The following HNRNPUL2 variants were observed in gnomAD, a reference collection of about 807,000 sequenced individuals.
The protein encoded by HNRNPUL2 is heterogeneous nuclear ribonucleoprotein U like 2.
Under a neutral mutation model 102.2 loss-of-function variants are expected in HNRNPUL2, and 27 were observed. The observed-to-expected ratio is 0.26, with a 90% CI of 0.19 to 0.36. HNRNPUL2 has a LOEUF of 0.36. Among genes scored for constraint, HNRNPUL2 ranks in the 10% least tolerant of loss-of-function variants. The pLI is 1.00. For missense variants in HNRNPUL2, 936 were observed against 981.1 expected (o/e 0.95, Z 0.61); for synonymous variants, 458 against 387.2 (o/e 1.18, Z -2.15).
chr11:62,724,633 G>A, intron 1 of HNRNPUL2, among the ~76,000 whole-genome samples: 1 of 151,906 alleles, frequency 6.6e-6, no homozygotes, highest in Non-Finnish European at 1.5e-5. Context: ...GGGCATTATG[G>A]GCTAATTACA....
intron 1 of HNRNPUL2, among the ~76,000 whole-genome samples, chr11:62,725,359 G>A (rs1377281231): frequency 2.0e-5 from 3 of 152,156 alleles, no homozygotes; most frequent in African/African-American, 7.2e-5. Context: ...CATCACGCCC[G>A]GCTAATATTT....
chr11:62,719,530 C>A (rs1252228738), intron 10 of HNRNPUL2, among the ~76,000 whole-genome samples: 4 of 152,190 alleles, frequency 2.6e-5, no homozygotes, highest in African/African-American at 7.2e-5. Flanking sequence ...TCTACAAGTG[C>A]TCACGACCAT....
chr11:62,726,324 C>G (rs2083745997), intron 1 of HNRNPUL2, among the ~76,000 whole-genome samples: 2 of 152,314 alleles, frequency 1.3e-5, no homozygotes, highest in South Asian at 2.1e-4. Flanking sequence ...ATATAACAAG[C>G]ACCGTGGGAG....
Position 62,727,167 on chromosome 11 carries a change from G to T in HNRNPUL2, c.-11C>A, listed in dbSNP as rs2083761391. 1.4e-6 allele frequency: 2 copies of T among 1,419,096 alleles called. No individual in the cohort carries two copies. Among genetic ancestry groups the T allele is most frequent in the Non-Finnish European group, 1.8e-6 (2 of 1,087,346 alleles). The allele number at this position is 1,419,096 out of a possible 1,614,324, so 87.9% of individuals were successfully genotyped here. Reference sequence around the variant, plus strand: ...CCGCTTCACCTCCATCGCCGCCGCCGCCTCCTCCGCCTCCCGCCGCCTCCT... The same window carrying T: ...CCGCTTCACCTCCATCGCCGCCGCCTCCTCCTCCGCCTCCCGCCGCCTCCT... On this transcript the variant is annotated 5_prime_UTR_variant, in exon 1 of 14. Transcript: ENST00000301785.
chr11:62,724,505 G>A, intron 1 of HNRNPUL2, 79 bp from the exon 2 acceptor site: 2 of 1,492,120 alleles, frequency 1.3e-6, no homozygotes, highest in South Asian at 2.3e-5. Context: ...GACACTAACA[G>A]GGAATCTGAG....
chr11:62,719,984 A>G, intron 10 of HNRNPUL2, 39 bp downstream of exon 10: 1 of 1,559,370 alleles, frequency 6.4e-7, no homozygotes, highest in East Asian at 2.2e-5. Flanking sequence ...AGTCTATGGT[A>G]TTCTGTTATA....
chr11:62,717,007 T>C lies in HNRNPUL2; in HGVS notation c.1963A>G (p.Ser655Gly), dbSNP rs777156762. Residue 655 changes from serine to glycine, a missense_variant, in exon 11 of 14, where the codon AGC becomes GGC. Around this residue, in one of 2 missense-constraint regions of HNRNPUL2, gnomAD observed 609 missense variants for 713.0 expected, o/e 0.85. Coordinates refer to ENST00000301785, the MANE Select transcript of HNRNPUL2 (RefSeq NM_001079559.3). ...NRNKRNRQNR[S>G]RGQGYVGGQR... ...GACTCACCATAGCCTTGGCCCCGGC[T>C]TCGGTTCTGCCGGTTACGCTTGTTT... The C allele has an allele frequency of 6.2e-7, 1 of 1,613,308 alleles. No homozygotes were observed. The highest frequency in any genetic ancestry group is 1.1e-5 in the South Asian group (1 of 91,026).
rs1255827767 is a variant in HNRNPUL2 at position 62,720,114 on chromosome 11, G to A, written c.1689C>T (p.Val563=). 2 of 1,613,998 alleles carry A rather than the reference G, an allele frequency of 1.2e-6. No homozygotes were observed. Among genetic ancestry groups the A allele is most frequent in the Admixed American group, 1.7e-5 (1 of 60,014 alleles). The part of the protein sequence containing the change: ...KTFSRKVVVV[V]PNEEDWKKRL... ...TCTTCTTCCAATCTTCCTCATTAGG[G>A]ACAACCACCACCACTTTCCGAGAGA... The change falls in exon 10 of 14, where the codon GTC becomes GTT. Residue 563 remains valine (V), a synonymous_variant. Transcript: ENST00000301785.
Position 62,717,192 on chromosome 11 carries a change from A to AT in HNRNPUL2, c.1781-4dup. On this transcript the variant is annotated splice_region_variant and splice_polypyrimidine_tract_variant and intron_variant, in intron 10 of 13. Coordinates refer to ENST00000301785, the MANE Select transcript of HNRNPUL2 (RefSeq NM_001079559.3). ...TTTTTCAGGCAAAGAGAAGTTGGCT[A>AT]TAAGAGTAAGAGAGAAGCTTGTGGG... The AT allele has an allele frequency of 6.2e-7, 1 of 1,612,956 alleles. No homozygotes were observed. Among genetic ancestry groups the AT allele is most frequent in the Non-Finnish European group, 8.5e-7 (1 of 1,179,400 alleles).
intron 11 of HNRNPUL2, among the ~76,000 whole-genome samples, chr11:62,716,301 C>A (rs930490892): frequency 6.6e-6 from 1 of 152,206 alleles, no homozygotes; most frequent in Non-Finnish European, 1.5e-5. Flanking sequence ...TAACCCATAC[C>A]TATCATTTTA....
chr11:62,723,836 T>C (rs1054148591), intron 3 of HNRNPUL2, 78 bp downstream of exon 3: 2 of 1,594,156 alleles, frequency 1.3e-6, no homozygotes, highest in Non-Finnish European at 1.7e-6. Flanking sequence ...ATAGAATTTA[T>C]AGGCTATGAA....
chr11:62,722,480 T>G, intron 6 of HNRNPUL2, 100 bp from the exon 7 acceptor site: 1 of 1,484,476 alleles, frequency 6.7e-7, no homozygotes, highest in Non-Finnish European at 9.3e-7. Flanking sequence ...CTGCACAAAG[T>G]AACTAAGCGA....
Position 62,713,998 on chromosome 11 carries a change from G to T in HNRNPUL2, c.*1301C>A, listed in dbSNP as rs1003762162. On this transcript the variant is annotated 3_prime_UTR_variant, in exon 14 of 14. Coordinates refer to ENST00000301785, the MANE Select transcript of HNRNPUL2 (RefSeq NM_001079559.3). ...AAGGCTCCTGGCTAGAGGCCTCTCTGGGGACACACAGGGAAAGCGCCCCAA... is the reference window on the plus strand; with the variant it reads ...AAGGCTCCTGGCTAGAGGCCTCTCTTGGGACACACAGGGAAAGCGCCCCAA... The T allele has an allele frequency of 2.6e-5, 4 of 152,170 alleles. No individual in the cohort carries two copies. Among genetic ancestry groups the T allele is most frequent in the African/African-American group, 9.7e-5 (4 of 41,400 alleles). The allele number at this position is 152,170 out of a possible 1,614,324, so 9.4% of individuals were successfully genotyped here.
intron 9 of HNRNPUL2, 46 bp downstream of exon 9, chr11:62,721,249 T>C (rs778181248): frequency 1.9e-6 from 3 of 1,547,478 alleles, no homozygotes; most frequent in Non-Finnish European, 2.6e-6. Flanking sequence ...TCTCTCTTTA[T>C]ATACACATCC....
Position 62,722,210 on chromosome 11 carries a change from G to T in HNRNPUL2, c.1266C>A (p.Phe422Leu). The T allele has an allele frequency of 6.2e-7, 1 of 1,614,156 alleles. No individual in the cohort carries two copies. Among genetic ancestry groups the T allele is most frequent in the Non-Finnish European group, 8.5e-7 (1 of 1,180,024 alleles). ...TGAACACAAACTCTTCTGGTGGTGG[G>T]AAGAAGGGCTCCTCCTTCTGACCGA... ...LNFGQKEEPF[F>L]PPPEEFVFIH... is the part of the protein sequence containing the mutation. Residue 422 changes from phenylalanine to leucine, a missense_variant, in exon 7 of 14, where the codon TTC (phenylalanine) becomes TTA (leucine). By Grantham distance (22) the Phe-to-Leu change is conservative. Around this residue, in one of 2 missense-constraint regions of HNRNPUL2, gnomAD observed 609 missense variants for 713.0 expected, o/e 0.85. Coordinates refer to ENST00000301785, the MANE Select transcript of HNRNPUL2 (RefSeq NM_001079559.3).
chr11:62,726,927 T>A lies in HNRNPUL2; in HGVS notation c.230A>T (p.Glu77Val), dbSNP rs1332102645. ...GTCCTCCTCCTCCTCCTCTTCGTCCTCCTCCTCGTCCCCGCCCGGGCCGCC... is the reference window on the plus strand; with the variant it reads ...GTCCTCCTCCTCCTCCTCTTCGTCCACCTCCTCGTCCCCGCCCGGGCCGCC... ...SGGGPGGDEE[E>V]DEEEEEEDEE... The change falls in exon 1 of 14, where the codon GAG becomes GTG. Residue 77 changes from glutamate (E) to valine (V), a missense_variant. By Grantham distance (121) the Glu-to-Val change is moderately radical (BLOSUM62 -2). This residue lies in a region of HNRNPUL2 where 327 missense variants were observed against 268.1 expected (regional missense o/e 1.22). Transcript: ENST00000301785. The A allele has an allele frequency of 5.3e-6, 8 of 1,507,502 alleles. No homozygotes were observed. Among genetic ancestry groups the A allele is most frequent in the Middle Eastern group, 2.3e-4 (1 of 4,302 alleles). The allele number at this position is 1,507,502 out of a possible 1,614,324, so 93.4% of individuals were successfully genotyped here. A position where few individuals can be genotyped will look rare whatever the true frequency, so the allele number is the denominator to read the frequency against.
intron 11 of HNRNPUL2, among the ~76,000 whole-genome samples, 180 bp from the exon 12 acceptor site, chr11:62,716,117 G>A (rs1380083056): frequency 6.6e-6 from 1 of 152,180 alleles, no homozygotes; most frequent in African/African-American, 2.4e-5. Context: ...TCTGAGGGGG[G>A]AGGGCAGAGG....
chr11:62,722,934 A>C (rs1422627968), intron 4 of HNRNPUL2, 31 bp from the exon 5 acceptor site: 2 of 1,562,358 alleles, frequency 1.3e-6, no homozygotes, highest in Non-Finnish European at 1.8e-6. Flanking sequence ...ACTATTAGAT[A>C]TTGTGACCAA....
At chr11:62,716,014 T>C (rs1179439095) in intron 11 of HNRNPUL2, 77 bp from the exon 12 acceptor site, 2 of 1,215,318 alleles carry the variant, frequency 1.6e-6, no homozygotes, top group African/African-American at 1.5e-5. Context: ...AATCAAAAAC[T>C]TGGAGCCAAA....
Sources: gnomAD v4.1 joint callset for allele counts (sites outside exome capture counted in the v4.1 genomes callset) on GRCh38, gnomAD v4.1.1 for gene constraint, gnomAD v4.1.1 regional missense constraint, MANE v1.5 for transcripts, NCBI Gene and HGNC (gene_info 2026-07-23, HGNC 2026-07-21) for gene names.